The following SEMA3C variants were observed in gnomAD, a reference collection of about 807,000 sequenced individuals.
The protein encoded by SEMA3C is semaphorin-3C.
SEMA3C carries 47 observed loss-of-function variants against 89.4 expected under a neutral mutation model. The observed-to-expected ratio is 0.53, with a 90% CI of 0.42 to 0.67. The LOEUF (loss-of-function observed/expected upper bound fraction) is 0.67, where lower values mean the gene tolerates loss of function less well. SEMA3C is among the 30% of genes least tolerant of loss of function. The probability of loss-of-function intolerance (pLI) is 0.00; values close to 1 mark genes in which losing one functional copy is unlikely to be tolerated. For missense variants in SEMA3C, 839 were observed against 929.1 expected (o/e 0.90, Z 1.26); for synonymous variants, 310 against 320.2 (o/e 0.97, Z 0.34).
At chr7:80,830,500 T>C (rs536030242) in intron 2 of SEMA3C, among the ~76,000 whole-genome samples, 1 of 152,296 alleles carries the variant, frequency 6.6e-6, no homozygotes, top group Non-Finnish European at 1.5e-5. Context: ...CCTAAAATTA[T>C]TAGGACATAA....
At chr7:80,762,710 G>A (rs1788213290) in intron 13 of SEMA3C, among the ~76,000 whole-genome samples, 1 of 152,152 alleles carries the variant, frequency 6.6e-6, no homozygotes, top group African/African-American at 2.4e-5. Flanking sequence ...CTACTCAGAA[G>A]GATAAGGCAG....
intron 2 of SEMA3C, among the ~76,000 whole-genome samples, chr7:80,840,955 G>T (rs934141747): frequency 2.0e-5 from 3 of 152,080 alleles, no homozygotes; most frequent in African/African-American, 7.2e-5. Flanking sequence ...CATTTTCCAG[G>T]GAGTAGAAAA....
At chr7:80,758,235 A>G in intron 15 of SEMA3C, 96 bp downstream of exon 15, 2 of 1,341,382 alleles carry the variant, frequency 1.5e-6, no homozygotes, top group South Asian at 1.4e-5. Flanking sequence ...ATGTCATTTA[A>G]GGAAACAGCA....
intron 14 of SEMA3C, among the ~76,000 whole-genome samples, chr7:80,758,773 G>C (rs1788123079): frequency 6.6e-6 from 1 of 152,186 alleles, no homozygotes; most frequent in Admixed American, 6.5e-5. Context: ...TCAGATTGGA[G>C]CTAACATATT....
intron 2 of SEMA3C, among the ~76,000 whole-genome samples, chr7:80,843,656 T>A (rs1266056375): frequency 6.6e-6 from 1 of 152,170 alleles, no homozygotes; most frequent in Non-Finnish European, 1.5e-5. Flanking sequence ...GAGTTTCAAT[T>A]TTAAACAGGA....
Position 80,912,951 on chromosome 7 carries a change from C to T in SEMA3C, c.103+3728G>A, listed in dbSNP as rs375750816. Among the ~76,000 whole-genome samples the T allele has an allele frequency of 3.1e-4, 47 of 152,222 alleles. No homozygotes were observed. The Middle Eastern group carries it at 0.014, about 44-fold the overall frequency. ...AGCTTTGGGGCTTAGTTCATTAGTTCACAGGGATTCTTTTATTTGTTGAGG... is the reference window on the plus strand; with the variant it reads ...AGCTTTGGGGCTTAGTTCATTAGTTTACAGGGATTCTTTTATTTGTTGAGG... On this transcript the variant is annotated intron_variant, in intron 2 of 17. Transcript: ENST00000265361.
chr7:80,752,572 G>A (rs933950959), intron 15 of SEMA3C, among the ~76,000 whole-genome samples: 4 of 140,054 alleles, frequency 2.9e-5, no homozygotes, highest in African/African-American at 5.4e-5. Context: ...CTGAGATCAC[G>A]CCACTGCACT....
At chr7:80,810,512 T>G (rs1188624622) in intron 6 of SEMA3C, 99 bp downstream of exon 6, 5 of 811,968 alleles carry the variant, frequency 6.2e-6, no homozygotes, top group Non-Finnish European at 1.0e-5. Context: ...TTTACTCACA[T>G]ACTATCATCC....
At chr7:80,852,236 A>G (rs1160714991) in intron 2 of SEMA3C, among the ~76,000 whole-genome samples, 1 of 152,192 alleles carries the variant, frequency 6.6e-6, no homozygotes, top group Non-Finnish European at 1.5e-5. Flanking sequence ...TCTCTCATAC[A>G]CTGCTTTTCA....
intron 2 of SEMA3C, among the ~76,000 whole-genome samples, chr7:80,834,054 A>G (rs984101501): frequency 6.6e-6 from 1 of 152,178 alleles, no homozygotes; most frequent in Non-Finnish European, 1.5e-5. Context: ...CATATGAGGT[A>G]CAGCTATTTG....
intron 2 of SEMA3C, among the ~76,000 whole-genome samples, chr7:80,871,371 T>G (rs1160496719): frequency 6.6e-6 from 1 of 152,230 alleles, no homozygotes; most frequent in African/African-American, 2.4e-5. Flanking sequence ...ATGATCTGTT[T>G]CATATTCATG....
chr7:80,889,154 C>A (rs530360342), intron 2 of SEMA3C, among the ~76,000 whole-genome samples: 1 of 152,216 alleles, frequency 6.6e-6, no homozygotes, highest in Non-Finnish European at 1.5e-5. Flanking sequence ...TAAGCCACCA[C>A]GCTCGGCCAT....
At chr7:80,827,684 G>C (rs1214480854) in intron 3 of SEMA3C, among the ~76,000 whole-genome samples, 197 bp from the exon 4 acceptor site, 2 of 151,628 alleles carry the variant, frequency 1.3e-5, no homozygotes, top group Non-Finnish European at 2.9e-5. Context: ...TCTTCCAACA[G>C]TGTTTCCTTT....
At chr7:80,829,509 C>T (rs1338248033) in intron 2 of SEMA3C, among the ~76,000 whole-genome samples, 2 of 152,104 alleles carry the variant, frequency 1.3e-5, no homozygotes, top group African/African-American at 4.8e-5. Context: ...TGCTTCCCAA[C>T]GTAATTCTAA....
intron 13 of SEMA3C, among the ~76,000 whole-genome samples, chr7:80,764,755 A>G (rs990024914): frequency 6.6e-6 from 1 of 152,228 alleles, no homozygotes; most frequent in African/African-American, 2.4e-5. Flanking sequence ...CTAAAAAAAT[A>G]TAAGAAAGCT....
chr7:80,753,576 A>AT (rs1033483396), intron 15 of SEMA3C, among the ~76,000 whole-genome samples: 19 of 152,182 alleles, frequency 1.2e-4, no homozygotes, highest in African/African-American at 4.6e-4. Context: ...CCATCTGAGC[A>AT]TTTTTTATGT....
chr7:80,772,432 T>A (rs944555771), intron 12 of SEMA3C, among the ~76,000 whole-genome samples: 1 of 152,328 alleles, frequency 6.6e-6, no homozygotes, highest in African/African-American at 2.4e-5. Context: ...TTAGCACAAT[T>A]TCTCACGTTT....
intron 12 of SEMA3C, among the ~76,000 whole-genome samples, chr7:80,768,821 C>T (rs1788364276): frequency 6.6e-6 from 1 of 152,002 alleles, no homozygotes; most frequent in Non-Finnish European, 1.5e-5. Context: ...TGACCACAGG[C>T]ATGTGTGTGC....
chr7:80,922,212 G>T, upstream of SEMA3C: 1 of 1,266,914 alleles, frequency 7.9e-7, no homozygotes, highest in Non-Finnish European at 1.0e-6. Context: ...AAACTCAAGC[G>T]TGATTGCCGT....
Sources: allele counts gnomAD v4.1 joint callset (sites outside exome capture counted in the v4.1 genomes callset), GRCh38; gene constraint gnomAD v4.1.1; transcripts MANE v1.5; gene names NCBI Gene and HGNC (gene_info 2026-07-23, HGNC 2026-07-21).